Variants in WDFY3 observed in about 807,000 individuals in gnomAD.
WDFY3 encodes WD repeat and FYVE domain containing 3.
In WDFY3, 66 loss-of-function variants were observed where a neutral mutation model predicts 409.6. The ratio of observed to expected loss-of-function variants is 0.16; its 90% CI spans 0.13 to 0.20. WDFY3 has a LOEUF of 0.20. WDFY3 is among the 10% of genes least tolerant of loss of function. WDFY3 has a pLI of 1.00. For missense variants in WDFY3, 3,031 were observed against 4,298.1 expected (o/e 0.71, Z 8.24); for synonymous variants, 1,521 against 1,537.1 (o/e 0.99, Z 0.25).
intron 3 of WDFY3, among the ~76,000 whole-genome samples, chr4:84,866,294 G>A (rs986905848): frequency 7.9e-5 from 12 of 152,246 alleles, no homozygotes; most frequent in Admixed American, 6.5e-5. Flanking sequence ...TGTTGACTTC[G>A]TAAAGATGAA....
chr4:84,821,292 T>C lies in WDFY3; in HGVS notation c.1383A>G (p.Lys461=). 6.2e-7 allele frequency: 1 copy of C among 1,613,802 alleles called. No individual in the cohort carries two copies. Among genetic ancestry groups the C allele is most frequent in the Non-Finnish European group, 8.5e-7 (1 of 1,179,840 alleles). ...AGAGGATACTGACACTAATAAGTTCTTTACAAGGTATATAATTTAAGCTAA... is the reference window on the plus strand; with the variant it reads ...AGAGGATACTGACACTAATAAGTTCCTTACAAGGTATATAATTTAAGCTAA... The part of the protein sequence containing the change: ...VVFSLNYIPC[K]ELISVSILLK... Residue 461 remains lysine (K), a synonymous_variant, in exon 11 of 68, where the codon AAA becomes AAG. Transcript: ENST00000295888.
At chr4:84,829,340 A>G (rs368076165) in intron 8 of WDFY3, 150 bp from the exon 9 acceptor site, 42 of 636,516 alleles carry the variant, frequency 6.6e-5, no homozygotes, top group African/African-American at 5.0e-4. Context: ...AAAAGTCAAT[A>G]TAAGAGTCAT....
intron 24 of WDFY3, among the ~76,000 whole-genome samples, chr4:84,784,237 T>C (rs1472229992): frequency 6.6e-6 from 1 of 152,166 alleles, no homozygotes; most frequent in Non-Finnish European, 1.5e-5. Flanking sequence ...CATTTCCCTA[T>C]CTACATCTAT....
chr4:84,784,552 C>T (rs987358323), intron 24 of WDFY3, among the ~76,000 whole-genome samples: 1 of 151,762 alleles, frequency 6.6e-6, no homozygotes, highest in Non-Finnish European at 1.5e-5. Context: ...TAAAATATAC[C>T]TTGAGCCGGG....
chr4:84,777,529 G>C (rs1173139897), intron 27 of WDFY3, among the ~76,000 whole-genome samples: 1 of 152,102 alleles, frequency 6.6e-6, no homozygotes, highest in Non-Finnish European at 1.5e-5. Flanking sequence ...GAGAGCTGCG[G>C]ATGCTGAAAA....
chr4:84,963,365 C>G (rs1775176562), intron 1 of WDFY3, among the ~76,000 whole-genome samples: 1 of 149,752 alleles, frequency 6.7e-6, no homozygotes, highest in South Asian at 2.1e-4. Context: ...GCAGAAGTTG[C>G]AGTGAGCCCA....
chr4:84,786,612 T>C (rs1199376743), intron 23 of WDFY3, among the ~76,000 whole-genome samples: 1 of 152,210 alleles, frequency 6.6e-6, no homozygotes, highest in African/African-American at 2.4e-5. Context: ...TGGCCTGAGT[T>C]TGAATCTTGC....
intron 5 of WDFY3, among the ~76,000 whole-genome samples, chr4:84,848,471 G>A (rs1758422161): frequency 6.6e-6 from 1 of 152,106 alleles, no homozygotes; most frequent in Non-Finnish European, 1.5e-5. Context: ...GCTCATCCTG[G>A]GCTGCATGGA....
At chr4:84,951,709 A>T (rs1191204212) in intron 1 of WDFY3, among the ~76,000 whole-genome samples, 1 of 152,206 alleles carries the variant, frequency 6.6e-6, no homozygotes, top group Admixed American at 6.5e-5. Context: ...CTGCAATGCA[A>T]CCAGTTTTCT....
intron 13 of WDFY3, 111 bp from the exon 14 acceptor site, chr4:84,810,455 T>G: frequency 1.0e-6 from 1 of 967,480 alleles, no homozygotes; most frequent in Non-Finnish European, 1.5e-6. Context: ...GACATGTTTT[T>G]ATCATTTACC....
intron 36 of WDFY3, among the ~76,000 whole-genome samples, chr4:84,744,674 A>G (rs1341896232): frequency 6.6e-6 from 1 of 151,380 alleles, no homozygotes; most frequent in Admixed American, 6.6e-5. Context: ...TAAAACGGTG[A>G]AACCCCGTCT....
chr4:84,942,754 G>A (rs977604372), intron 1 of WDFY3, among the ~76,000 whole-genome samples: 3 of 152,124 alleles, frequency 2.0e-5, no homozygotes, highest in African/African-American at 7.2e-5. Context: ...TTTTTCGACA[G>A]GGTTCTTTGT....
chr4:84,852,956 G>A (rs548252905), intron 4 of WDFY3, among the ~76,000 whole-genome samples: 6 of 151,914 alleles, frequency 3.9e-5, no homozygotes, highest in East Asian at 1.9e-4. Context: ...TAGGAATTTC[G>A]CCATGTTGTA....
At chr4:84,707,724 GA>G (rs1465630026) in intron 53 of WDFY3, among the ~76,000 whole-genome samples, 2 of 152,064 alleles carry the variant, frequency 1.3e-5, no homozygotes, top group Admixed American at 6.5e-5. Context: ...TTGACTTAAA[GA>G]AAAAATATTT....
Position 84,690,593 on chromosome 4 carries a change from C to T in WDFY3, c.9276G>A (p.Leu3092=), listed in dbSNP as rs543338480. 1.2e-6 allele frequency: 2 copies of T among 1,614,208 alleles called. No individual in the cohort carries two copies. The highest frequency in any genetic ancestry group is 1.1e-5 in the South Asian group (1 of 91,082). ...ILCAICPNPK[L]VITGGTSTVV... ...CCGTGCTTGTTCCACCCGTGATGAC[C>T]AGCTTGGGGTTGGGGCAGATTGCAC... Residue 3092 remains leucine (L), a synonymous_variant, in exon 61 of 68, where the codon CTG becomes CTA. Transcript: ENST00000295888.
intron 67 of WDFY3, among the ~76,000 whole-genome samples, chr4:84,675,251 C>T (rs950631547): frequency 2.0e-5 from 3 of 151,924 alleles, no homozygotes; most frequent in Admixed American, 6.6e-5. Flanking sequence ...CCACTGTGCC[C>T]GGTCCCATTA....
chr4:84,794,849 A>C (rs759687057), intron 20 of WDFY3, 30 bp downstream of exon 20: 54 of 1,545,348 alleles, frequency 3.5e-5, no homozygotes, highest in Non-Finnish European at 4.5e-5. Flanking sequence ...TAGAAAAAAA[A>C]CTCATAAGCA....
intron 1 of WDFY3, among the ~76,000 whole-genome samples, chr4:84,957,929 A>G (rs570608666): frequency 2.0e-5 from 3 of 152,326 alleles, no homozygotes; most frequent in Admixed American, 2.0e-4. Context: ...AGAAAGAAAA[A>G]CAGAAGTGTG....
chr4:84,847,788 ACC>A (rs375475316), intron 5 of WDFY3, among the ~76,000 whole-genome samples: 1 of 136,766 alleles, frequency 7.3e-6, no homozygotes, highest in Non-Finnish European at 1.6e-5. Context: ...AAAAAAAAAA[ACC>A]AAAAAAAAAA....
Sources: allele counts gnomAD v4.1 joint callset (sites outside exome capture counted in the v4.1 genomes callset), GRCh38; gene constraint gnomAD v4.1.1; transcripts MANE v1.5; gene names NCBI Gene and HGNC (gene_info 2026-07-23, HGNC 2026-07-21).